NBEAL1: variants seen among roughly 807,000 people sequenced by gnomAD.
NBEAL1 encodes neurobeachin-like protein 1.
A neutral mutation model predicts 351.3 loss-of-function variants in NBEAL1; 273 were observed. The observed-to-expected ratio is 0.78, with a 90% CI of 0.70 to 0.86. The LOEUF (loss-of-function observed/expected upper bound fraction) is 0.86. Among genes scored for constraint, NBEAL1 ranks in the 40% least tolerant of loss-of-function variants. The pLI is 0.00. For synonymous variants in NBEAL1, 1,050 were observed against 1,086.4 expected, an observed-to-expected ratio of 0.97 and a Z score of 0.66; for missense variants, 2,961 against 3,201.3, an observed-to-expected ratio of 0.92 and a Z score of 1.81.
chr2:203,197,753 C>CA (rs1249427168), intron 48 of NBEAL1, among the ~76,000 whole-genome samples: 1 of 151,912 alleles, frequency 6.6e-6, no homozygotes, highest in Non-Finnish European at 1.5e-5. Context: ...ACTAAAAATA[C>CA]AAAAAATTAG....
chr2:203,136,244 A>C lies in NBEAL1; in HGVS notation c.4381A>C (p.Ser1461Arg), dbSNP rs780952445. The change falls in exon 28 of 56, where the codon AGC becomes CGC. Residue 1461 changes from serine to arginine, a missense_variant. Physicochemically the swap from Ser to Arg is moderately radical, Grantham distance 110. Coordinates refer to ENST00000683969, the MANE Select transcript of NBEAL1 (RefSeq NM_001378026.1). ...TAGTGATGACTTCTCTTTACTTGAA[A>C]GCCAAGAGGTAAAATTGCTTATTTT... ...GFSDDFSLLESQERCEEELLQ... is the reference protein window; with the variant it reads ...GFSDDFSLLERQERCEEELLQ... The C allele has an allele frequency of 1.9e-6, 3 of 1,567,230 alleles. No homozygotes were observed. The highest frequency in any genetic ancestry group is 2.6e-6 in the Non-Finnish European group (3 of 1,162,068).
At chr2:203,170,595 G>A (rs950911522) in intron 39 of NBEAL1, among the ~76,000 whole-genome samples, 4 of 152,120 alleles carry the variant, frequency 2.6e-5, no homozygotes, top group Non-Finnish European at 5.9e-5. Flanking sequence ...GGCTTTCCAG[G>A]ACTGTTCGTA....
intron 6 of NBEAL1, among the ~76,000 whole-genome samples, chr2:203,059,755 A>G (rs1292455217): frequency 6.6e-6 from 1 of 152,182 alleles, no homozygotes; most frequent in Non-Finnish European, 1.5e-5. Context: ...GTGATGGCTC[A>G]TGCCTGTTGT....
intron 47 of NBEAL1, among the ~76,000 whole-genome samples, chr2:203,196,832 G>A (rs2065253485): frequency 6.6e-6 from 1 of 152,066 alleles, no homozygotes; most frequent in African/African-American, 2.4e-5. Context: ...TTTATTTTCT[G>A]GTCCTACTGT....
At chr2:203,192,504 C>T (rs1222550783) in intron 46 of NBEAL1, among the ~76,000 whole-genome samples, 1 of 151,948 alleles carries the variant, frequency 6.6e-6, no homozygotes, top group African/African-American at 2.4e-5. Flanking sequence ...CCTGCCTCAG[C>T]CTCCCAAGTA....
chr2:203,154,934 CA>C (rs55890648), intron 35 of NBEAL1, among the ~76,000 whole-genome samples: 51 of 92,712 alleles, frequency 5.5e-4, no homozygotes, highest in Admixed American at 9.4e-4. Context: ...GACCTTGTCT[CA>C]AAAAAAAAAA....
At chr2:203,091,248 T>C (rs954653260) in intron 10 of NBEAL1, among the ~76,000 whole-genome samples, 9 of 152,226 alleles carry the variant, frequency 5.9e-5, no homozygotes, top group East Asian at 5.8e-4. Context: ...TTTTCTTCGA[T>C]GACTGCCTTA....
intron 45 of NBEAL1, 94 bp downstream of exon 45, chr2:203,188,683 A>C: frequency 3.0e-6 from 2 of 657,890 alleles, no homozygotes; most frequent in Non-Finnish European, 2.5e-6. Flanking sequence ...TTAATATCAG[A>C]AAGACTACAT....
intron 35 of NBEAL1, 133 bp from the exon 36 acceptor site, chr2:203,157,551 TTACTCTAAATCAAAG>T (rs2063828457): frequency 8.5e-6 from 4 of 469,836 alleles, no homozygotes; most frequent in Non-Finnish European, 1.4e-5. Flanking sequence ...ACGTGAAGGA[TTACTCTAAATCAAAG>T]TACCGTCTTT....
At position 203,201,574 on chromosome 2, in the gene NBEAL1, C is replaced by T. The variant is rs761410249; in HGVS notation, c.7270C>T (p.Pro2424Ser). 6 of 1,598,148 alleles carry T rather than the reference C, an allele frequency of 3.8e-6. No individual in the cohort carries two copies. The highest frequency in any genetic ancestry group is 1.1e-5 in the South Asian group (1 of 87,866). The change falls in exon 50 of 56, where the codon CCC becomes TCC. Residue 2424 changes from proline to serine, a missense_variant. Pro to Ser is a moderately conservative substitution (Grantham distance 74). Coordinates refer to ENST00000683969, the MANE Select transcript of NBEAL1 (RefSeq NM_001378026.1). Reference sequence around the variant, plus strand: ...GCGCAGTATAAATGGTTCTTTTGCTCCCGGGCTAGAGATCACTTCTAAGCT... The same window carrying T: ...GCGCAGTATAAATGGTTCTTTTGCTTCCGGGCTAGAGATCACTTCTAAGCT... ...TQRSINGSFA[P>S]GLEITSKLFV...
Position 203,180,506 on chromosome 2 carries a change from C to A in NBEAL1, c.6589C>A (p.Gln2197Lys). 1.9e-6 allele frequency: 3 copies of A among 1,607,404 alleles called. No homozygotes were observed. In the South Asian group the frequency reaches 3.3e-5, roughly 18 times the overall value. The change falls in exon 43 of 56, where the codon CAA (glutamine) becomes AAA (lysine). Residue 2197 changes from glutamine (Q) to lysine (K), a missense_variant. Gln to Lys is a moderately conservative substitution (Grantham distance 53, BLOSUM62 1). Transcript: ENST00000683969. ...FFYFPEFLEN[Q>K]NQFNLGRLQI... ...CTATTTCCCAGAGTTTTTGGAAAAT[C>A]AAAATCGTAAGAAATAGAGGATTAA...
At chr2:203,025,742 G>A (rs537338352) in intron 2 of NBEAL1, among the ~76,000 whole-genome samples, 27 of 152,100 alleles carry the variant, frequency 1.8e-4, no homozygotes, top group Non-Finnish European at 2.1e-4. Context: ...AGGACACTTG[G>A]TATCTGTCCT....
intron 47 of NBEAL1, among the ~76,000 whole-genome samples, chr2:203,195,948 G>C (rs2105795131): frequency 6.6e-6 from 1 of 152,260 alleles, no homozygotes; most frequent in East Asian, 1.9e-4. Flanking sequence ...GTCATTGAGG[G>C]AAAGTTTTAT....
chr2:203,146,156 A>G (rs552797706), intron 33 of NBEAL1, among the ~76,000 whole-genome samples: 1 of 152,238 alleles, frequency 6.6e-6, no homozygotes, highest in Admixed American at 6.5e-5. Context: ...AAATGGATCA[A>G]TTTTTTGACT....
intron 48 of NBEAL1, among the ~76,000 whole-genome samples, chr2:203,198,495 C>T (rs1038755576): frequency 1.3e-5 from 2 of 152,008 alleles, no homozygotes; most frequent in African/African-American, 4.8e-5. Context: ...AGACTGGTCC[C>T]TGAATTTCTT....
chr2:203,046,222 A>C (rs1049465905), intron 3 of NBEAL1, among the ~76,000 whole-genome samples: 18 of 150,604 alleles, frequency 1.2e-4, no homozygotes, highest in African/African-American at 4.4e-4. Context: ...TTATTTATTT[A>C]TTTATTTATT....
Position 203,223,000 on chromosome 2 carries a change from G to A in NBEAL1, c.*5646G>A, listed in dbSNP as rs1367863701. Among the ~76,000 whole-genome samples, 3 of 152,122 alleles carry A rather than the reference G, an allele frequency of 2.0e-5. No individual in the cohort carries two copies. Among genetic ancestry groups the A allele is most frequent in the Admixed American group, 6.6e-5 (1 of 15,260 alleles). On this transcript the variant is annotated 3_prime_UTR_variant, in exon 56 of 56. Transcript: ENST00000683969. Reference sequence around the variant, plus strand: ...GGCCATCCTAGAGTATAGGAGTTACGTGATTTTCTTCTGTATAAAAATCTC... The same window carrying A: ...GGCCATCCTAGAGTATAGGAGTTACATGATTTTCTTCTGTATAAAAATCTC...
intron 35 of NBEAL1, among the ~76,000 whole-genome samples, chr2:203,151,978 A>G (rs577352672): frequency 1.6e-4 from 24 of 151,028 alleles, no homozygotes; most frequent in Admixed American, 3.3e-4. Context: ...TTTTTTTGAG[A>G]CAAAAGTCTC....
chr2:203,183,530 G>A (rs1353094592), intron 44 of NBEAL1, 142 bp downstream of exon 44: 3 of 518,164 alleles, frequency 5.8e-6, no homozygotes, highest in African/African-American at 1.9e-5. Flanking sequence ...GTACAATATA[G>A]CAATTTATTT....
Sources: allele counts gnomAD v4.1 joint callset (sites outside exome capture counted in the v4.1 genomes callset), GRCh38; gene constraint gnomAD v4.1.1; transcripts MANE v1.5; gene names NCBI Gene and HGNC (gene_info 2026-07-23, HGNC 2026-07-21).